ACY1: variants seen among roughly 807,000 people sequenced by gnomAD.
ACY1 encodes aminoacylase-1.
In ACY1, 38 loss-of-function variants were observed where a neutral mutation model predicts 53.3. That is an observed-to-expected ratio of 0.71 (90% confidence interval 0.55 to 0.93). The LOEUF is 0.93. Among genes scored for constraint, ACY1 ranks in the 40% least tolerant of loss-of-function variants. The pLI is 0.00. For missense variants in ACY1, 484 were observed against 540.9 expected (o/e 0.89, Z 1.04); for synonymous variants, 177 against 202.1 (o/e 0.88, Z 1.05).
chr3:51,987,226 C>T lies in ACY1; in HGVS notation c.707+30C>T, dbSNP rs1701100674. 4 of 1,613,982 alleles carry T rather than the reference C, an allele frequency of 2.5e-6. No homozygotes were observed. The Admixed American group carries it at 5.0e-5, about 20-fold the overall frequency. The stretch of plus-strand genomic sequence containing the variant: ...GGCAGCCTGGGAGGCAGTGGGGTGG[C>T]TCTGGGAGGCGGTACCACAGAGGAT... On this transcript the variant is annotated intron_variant, in intron 10 of 14. Transcript: ENST00000636358.
In ACY1 at chr3:51,987,339, G is replaced by T. The variant is rs779343346; in HGVS notation, c.738G>T (p.Gly246=). Reference sequence around the variant, plus strand: ...AGTCAAACCCCCACCTGAAAGAGGGGTCCGTGACCTCCGTGAACCTGACTA... The same window carrying T: ...AGTCAAACCCCCACCTGAAAGAGGGTTCCGTGACCTCCGTGAACCTGACTA... The part of the protein sequence containing the change: ...RLQSNPHLKE[G]SVTSVNLTKL... The change falls in exon 11 of 15, where the codon GGG becomes GGT. Residue 246 remains glycine, a synonymous_variant. Coordinates refer to ENST00000636358, the MANE Select transcript of ACY1 (RefSeq NM_000666.3). 1.9e-6 allele frequency: 3 copies of T among 1,614,004 alleles called. No individual in the cohort carries two copies. The highest frequency in any genetic ancestry group is 2.2e-5 in the South Asian group (2 of 91,088).
rs750759726 is a variant in ACY1 at position 51,984,057 on chromosome 3, G to T, written c.-8G>T. ...TCACTTTGCCCCCAGCTCACCACGC[G>T]CAGCGCCATGACCAGCAAGGGTCCC... is the stretch of plus-strand genomic sequence containing the variant. On this transcript the variant is annotated 5_prime_UTR_variant, in exon 2 of 15. Coordinates refer to ENST00000636358, the MANE Select transcript of ACY1 (RefSeq NM_000666.3). 6.2e-7 allele frequency: 1 copy of T among 1,612,948 alleles called. No individual in the cohort carries two copies. Among genetic ancestry groups the T allele is most frequent in the Non-Finnish European group, 8.5e-7 (1 of 1,179,752 alleles).
In ACY1 at chr3:51,987,015, C is replaced by T. The variant is rs1482417925; in HGVS notation, c.611C>T (p.Pro204Leu). ...WWVRVTSTGRPGHASRFMEDT... is the reference protein window; with the variant it reads ...WWVRVTSTGRLGHASRFMEDT... ...GTGCGGGTTACCAGCACTGGGAGGC[C>T]AGGCCATGCCTCACGCTTCATGGAG... Residue 204 changes from proline to leucine, a missense_variant, in exon 9 of 15, where the codon CCA becomes CTA. Transcript: ENST00000636358. 2 of 1,612,928 alleles carry T rather than the reference C, an allele frequency of 1.2e-6. No homozygotes were observed. The highest frequency in any genetic ancestry group is 1.1e-5 in the South Asian group (1 of 91,036).
chr3:51,987,201 G>A lies in ACY1; in HGVS notation c.707+5G>A, dbSNP rs749710614. On this transcript the variant is annotated splice_donor_5th_base_variant and intron_variant, in intron 10 of 14. Transcript: ENST00000636358. ...CCGGGAGAAGGAATGGCAGAGGTGA[G>A]GCAGCCTGGGAGGCAGTGGGGTGGC... 1 of 1,614,146 alleles carries A rather than the reference G, an allele frequency of 6.2e-7. No individual in the cohort carries two copies. The highest frequency in any genetic ancestry group is 8.5e-7 in the Non-Finnish European group (1 of 1,180,008).
chr3:51,988,067 T>C lies in ACY1; in HGVS notation c.921+443T>C, dbSNP rs1453453151. 38 of 314,890 alleles carry C rather than the reference T, an allele frequency of 1.2e-4. No homozygotes were observed. In the Admixed American group the frequency reaches 1.7e-3, roughly 14 times the overall value. 19.5% of individuals were successfully genotyped at this position (314,890 alleles called of 1,614,324 possible). On this transcript the variant is annotated intron_variant, in intron 12 of 14. Coordinates refer to ENST00000636358, the MANE Select transcript of ACY1 (RefSeq NM_000666.3). ...TTTTAGTAGAGACAGTGTTTCACCA[T>C]GTTGGCCAGGCTTGTCTCGAACTCC...
At chr3:51,984,913 G>C in intron 2 of ACY1, 1 of 504,782 alleles carries the variant, frequency 2.0e-6, no homozygotes, top group Non-Finnish European at 3.6e-6. Flanking sequence ...AATCAGCTGA[G>C]AGATGGTGGG....
Position 51,988,822 on chromosome 3 carries a change from G to A in ACY1, c.1058G>A (p.Arg353His), listed in dbSNP as rs779815701. ...GCTGCCACTGACAACCGCTATATCC[G>A]CGCGGTGAGCCACTTGCATATAGTG... ...MPAATDNRYIRAVGVPALGFS... is the reference protein window; with the variant it reads ...MPAATDNRYIHAVGVPALGFS... The change falls in exon 14 of 15, where the codon CGC becomes CAC. Residue 353 changes from arginine (R) to histidine (H), a missense_variant. Arg to His is a conservative substitution (Grantham distance 29). Coordinates refer to ENST00000636358, the MANE Select transcript of ACY1 (RefSeq NM_000666.3). 2.8e-5 allele frequency: 45 copies of A among 1,614,148 alleles called. No homozygotes were observed. Among genetic ancestry groups the A allele is most frequent in the Admixed American group, 1.2e-4 (7 of 60,018 alleles).
intron 13 of ACY1, 32 bp downstream of exon 13, chr3:51,988,635 C>T: frequency 6.2e-7 from 1 of 1,610,588 alleles, no homozygotes; most frequent in Non-Finnish European, 8.5e-7. Flanking sequence ...CCTCACAGCC[C>T]AGCCCCCTAC....
rs375910373 is a variant in ACY1, at chr3:51,985,346, C to T, written c.160-15C>T. On this transcript the variant is annotated splice_polypyrimidine_tract_variant and intron_variant, in intron 3 of 14. Coordinates refer to ENST00000636358, the MANE Select transcript of ACY1 (RefSeq NM_000666.3). ...TCACCCTGCTCAGACCACCTACCCT[C>T]CTGACCATCTCCAGGTGGCACCTGG... 2 of 1,614,012 alleles carry T rather than the reference C, an allele frequency of 1.2e-6. No homozygotes were observed. Among genetic ancestry groups the T allele is most frequent in the African/African-American group, 2.7e-5 (2 of 74,914 alleles).
chr3:51,983,992 A>T, intron 1 of ACY1, 55 bp from the exon 2 acceptor site: 1 of 1,304,586 alleles, frequency 7.7e-7, no homozygotes, highest in Non-Finnish European at 1.1e-6. Context: ...TGTGTGCAGG[A>T]GCTCACCATT....
At chr3:51,986,041 A>G in intron 5 of ACY1, 95 bp downstream of exon 5, 1 of 1,283,476 alleles carries the variant, frequency 7.8e-7, no homozygotes, top group East Asian at 2.5e-5. Context: ...ACTCAAGGCC[A>G]AGGAACACCG....
rs1335750190 is a variant in ACY1 at position 51,988,613 on chromosome 3, C to G, written c.1001+10C>G. The G allele has an allele frequency of 6.2e-6, 10 of 1,614,078 alleles. No homozygotes were observed. The highest frequency in any genetic ancestry group is 8.5e-6 in the Non-Finnish European group (10 of 1,179,948). ...GGGTCTGCAAGGATATGTGAGCACG[C>G]TGGCCAGCTCTCCTCACAGCCCAGC... On this transcript the variant is annotated intron_variant, in intron 13 of 14. Coordinates refer to ENST00000636358, the MANE Select transcript of ACY1 (RefSeq NM_000666.3).
intron 10 of ACY1, 36 bp from the exon 11 acceptor site, chr3:51,987,272 TA>T (rs1559780981): frequency 1.2e-6 from 2 of 1,614,020 alleles, no homozygotes; most frequent in Admixed American, 3.3e-5. Context: ...CCACCTCTTT[TA>T]TCTGTTGCTG....
rs764019840 is a variant in ACY1 at position 51,984,046 on chromosome 3, G to A, written c.-18-1G>A. 2 of 1,611,378 alleles carry A rather than the reference G, an allele frequency of 1.2e-6. No homozygotes were observed. Among genetic ancestry groups the A allele is most frequent in the Non-Finnish European group, 1.7e-6 (2 of 1,178,798 alleles). ...TAGTTAGCCATTCACTTTGCCCCCA[G>A]CTCACCACGCGCAGCGCCATGACCA... On this transcript the variant is annotated splice_acceptor_variant, in intron 1 of 14. Coordinates refer to ENST00000636358, the MANE Select transcript of ACY1 (RefSeq NM_000666.3). LOFTEE classifies it low-confidence loss of function (5UTR_SPLICE).
Position 51,988,568 on chromosome 3 carries a change from TTGG to T in ACY1, c.970_972del (p.Trp324del), listed in dbSNP as rs746578528. ...TGACACCTACTGATGACTCAAACCCTTGGTGGGCAGCTTTTAGCCGGGTCTGCA... is the reference window on the plus strand; with the variant it reads ...TGACACCTACTGATGACTCAAACCCTTGGGCAGCTTTTAGCCGGGTCTGCA... On this transcript the variant is annotated inframe_deletion, in exon 13 of 15. Transcript: ENST00000636358. 1 of 1,614,190 alleles carries T rather than the reference TTGG, an allele frequency of 6.2e-7. No homozygotes were observed. The highest frequency in any genetic ancestry group is 1.1e-5 in the South Asian group (1 of 91,090).
At position 51,984,099 on chromosome 3, in the gene ACY1, C is replaced by T. The variant is rs1202045339; in HGVS notation, c.35C>T (p.Ser12Leu). Residue 12 changes from serine to leucine, a missense_variant, in exon 2 of 15, where the codon TCG (serine) becomes TTG (leucine). Ser to Leu is a moderately radical substitution (Grantham distance 145). Coordinates refer to ENST00000636358, the MANE Select transcript of ACY1 (RefSeq NM_000666.3). ...AAGGGTCCCGAGGAGGAGCACCCAT[C>T]GGTGACGCTCTTCCGCCAGTACCTG... ...TSKGPEEEHP[S>L]VTLFRQYLRI... is the part of the protein sequence containing the mutation. The T allele has an allele frequency of 1.9e-6, 3 of 1,613,560 alleles. No homozygotes were observed. Among genetic ancestry groups the T allele is most frequent in the East Asian group, 2.2e-5 (1 of 44,872 alleles).
chr3:51,987,539 C>T lies in ACY1; in HGVS notation c.853-17C>T, dbSNP rs373059437. The T allele has an allele frequency of 1.5e-5, 25 of 1,613,884 alleles. No homozygotes were observed. Among genetic ancestry groups the T allele is most frequent in the Non-Finnish European group, 2.0e-5 (24 of 1,179,980 alleles). ...CTCTGGAAAGCCTGAAGGATCAGCT[C>T]GTCTCCCTTCTCTTAGGCTTTTGAG... On this transcript the variant is annotated splice_polypyrimidine_tract_variant and intron_variant, in intron 11 of 14. Coordinates refer to ENST00000636358, the MANE Select transcript of ACY1 (RefSeq NM_000666.3).
At chr3:51,988,229 C>T in intron 12 of ACY1, 1 of 516,448 alleles carries the variant, frequency 1.9e-6, no homozygotes, top group East Asian at 3.5e-5. Context: ...AAACCTGTAA[C>T]TGGAGTATCC....
In ACY1 at chr3:51,985,252, T is replaced by C. The variant is rs759698855; in HGVS notation, c.140T>C (p.Leu47Pro). The C allele has an allele frequency of 6.2e-7, 1 of 1,609,620 alleles. No individual in the cohort carries two copies. The highest frequency in any genetic ancestry group is 2.2e-5 in the East Asian group (1 of 44,704). ...GAGGAGACAGCCCGCCAGCTGGGCC[T>C]GGGCTGTCAGAAAGTAGAGGTGAGC... ...FFEETARQLG[L>P]GCQKVEVAPG... The change falls in exon 3 of 15, where the codon CTG becomes CCG. Residue 47 changes from leucine (L) to proline (P), a missense_variant. Leu to Pro is a moderately conservative substitution (Grantham distance 98, BLOSUM62 -3). Transcript: ENST00000636358.
Sources: allele counts gnomAD v4.1 joint callset, GRCh38; gene constraint gnomAD v4.1.1; transcripts MANE v1.5; gene names NCBI Gene and HGNC (gene_info 2026-07-23, HGNC 2026-07-21).